Variants in TANC2 observed in about 807,000 individuals in gnomAD.
TANC2 encodes protein TANC2.
Under a neutral mutation model 210.5 loss-of-function variants are expected in TANC2, and 26 were observed. The ratio of observed to expected loss-of-function variants is 0.12; its 90% confidence interval spans 0.09 to 0.17. TANC2 has a LOEUF of 0.17. Ranked by LOEUF, TANC2 falls within the 10% of genes least tolerant of loss-of-function variation. The probability of loss-of-function intolerance (pLI) is 1.00; values close to 1 mark genes in which losing one functional copy is unlikely to be tolerated. For synonymous variants in TANC2, 931 were observed against 967.1 expected (o/e 0.96, Z 0.69); for missense variants, 2,129 against 2,608.9 (o/e 0.82, Z 4.01).
intron 2 of TANC2, among the ~76,000 whole-genome samples, chr17:63,047,596 T>G (rs761674529): frequency 2.6e-5 from 4 of 152,154 alleles, no homozygotes. Flanking sequence ...TTGAGGTATA[T>G]TTGAGACATC....
At chr17:63,178,594 G>A (rs2040673844) in intron 5 of TANC2, among the ~76,000 whole-genome samples, 1 of 152,146 alleles carries the variant, frequency 6.6e-6, no homozygotes, top group Admixed American at 6.6e-5. Context: ...ATATAGCCAG[G>A]TTTGCTTTGG....
intron 9 of TANC2, among the ~76,000 whole-genome samples, chr17:63,303,271 A>G (rs566502517): frequency 6.6e-6 from 1 of 152,286 alleles, no homozygotes; most frequent in East Asian, 1.9e-4. Context: ...TGCTTCCTTC[A>G]GGAGCTCTTG....
rs549830314 is a variant in TANC2 at position 63,304,858 on chromosome 17, C to T, written c.1160-9530C>T. Among the ~76,000 whole-genome samples the T allele has an allele frequency of 4.6e-5, 7 of 152,310 alleles. No homozygotes were observed. In the South Asian group the frequency reaches 8.3e-4, roughly 18 times the overall value. On this transcript the variant is annotated intron_variant, in intron 9 of 27. Transcript: ENST00000689528. ...GTCAGGCCTGAAGAGGCACTCTGTC[C>T]GCGGTCTGCCACAGCCAGTGTGTTC...
At chr17:63,040,897 CA>C (rs2144256970) in intron 2 of TANC2, among the ~76,000 whole-genome samples, 1 of 152,252 alleles carries the variant, frequency 6.6e-6, no homozygotes, top group South Asian at 2.1e-4. Flanking sequence ...TTTGTCCAAA[CA>C]TTTTAAATAC....
At position 63,340,111 on chromosome 17, in the gene TANC2, A is replaced by G. The variant is rs376257499; in HGVS notation, c.1586A>G (p.Tyr529Cys). The G allele has an allele frequency of 2.3e-5, 37 of 1,613,594 alleles. 3 individuals are homozygous for G. In the Middle Eastern group the frequency reaches 2.6e-3, roughly 115 times the overall value. ...ATCTTTCTTTTGCAGGTGGTTGCCT[A>G]TCACTATTGTCAAGCAGATAATGCC... is the stretch of plus-strand genomic sequence containing the variant. Residue 529 changes from tyrosine to cysteine, a missense_variant, in exon 12 of 28, where the codon TAT becomes TGT. This residue lies in a region of TANC2 where 739 missense variants were observed against 848.0 expected (regional missense o/e 0.87). Coordinates refer to ENST00000689528, the Ensembl canonical transcript of TANC2.
chr17:63,406,344 A>G, intron 21 of TANC2, 67 bp downstream of exon 21: 1 of 1,593,954 alleles, frequency 6.3e-7, no homozygotes, highest in Non-Finnish European at 8.6e-7. Flanking sequence ...CATGATTTCC[A>G]GCAATGGATC....
exon 16 of TANC2, chr17:63,388,734 A>G: frequency 6.4e-7 from 1 of 1,571,358 alleles, no homozygotes; most frequent in Non-Finnish European, 8.6e-7. Flanking sequence ...GTCTTTACGA[A>G]ATCTCTACAC....
At chr17:63,205,157 C>CCT (rs2041658979) in intron 7 of TANC2, among the ~76,000 whole-genome samples, 1 of 151,888 alleles carries the variant, frequency 6.6e-6, no homozygotes, top group Admixed American at 6.6e-5. Flanking sequence ...TGGTTTTTGA[C>CCT]AAGCGTCCTA....
At chr17:63,074,670 C>T (rs1031224828) in intron 3 of TANC2, among the ~76,000 whole-genome samples, 5 of 152,016 alleles carry the variant, frequency 3.3e-5, no homozygotes, top group African/African-American at 9.7e-5. Context: ...ATGGATGTTG[C>T]GTGATAGCAG....
At chr17:63,180,131 C>T (rs2040730219) in intron 5 of TANC2, among the ~76,000 whole-genome samples, 1 of 152,098 alleles carries the variant, frequency 6.6e-6, no homozygotes, top group Admixed American at 6.5e-5. Context: ...GAGACCCTAT[C>T]TCAAAAAAAC....
chr17:63,231,487 G>A (rs534313585), intron 7 of TANC2, among the ~76,000 whole-genome samples: 5 of 152,270 alleles, frequency 3.3e-5, no homozygotes, highest in African/African-American at 1.2e-4. Context: ...TTGCTTGTCT[G>A]AAAAGGATTT....
intron 1 of TANC2, among the ~76,000 whole-genome samples, chr17:63,003,012 G>A (rs1438957009): frequency 6.6e-6 from 1 of 152,096 alleles, no homozygotes; most frequent in Non-Finnish European, 1.5e-5. Context: ...TGCATTAGGT[G>A]TACAGTAAGT....
At chr17:62,968,341 A>T (rs1160709381) in intron 1 of TANC2, among the ~76,000 whole-genome samples, 1 of 152,248 alleles carries the variant, frequency 6.6e-6, no homozygotes, top group Non-Finnish European at 1.5e-5. Context: ...TGCTGTTCTC[A>T]TTATAGTAAT....
intron 8 of TANC2, among the ~76,000 whole-genome samples, chr17:63,262,623 A>ACT (rs2043399175): frequency 7.0e-6 from 1 of 143,238 alleles, no homozygotes; most frequent in Admixed American, 7.0e-5. Context: ...AATCCCTAGT[A>ACT]GTCCTCTTTT....
exon 12 of TANC2, chr17:63,340,198 A>G (rs1221110322): frequency 6.2e-7 from 1 of 1,613,812 alleles, no homozygotes; most frequent in African/African-American, 1.3e-5. Flanking sequence ...CGCTCACCTC[A>G]GCTGACAGCC....
chr17:63,275,816 C>T (rs146929542), intron 9 of TANC2, among the ~76,000 whole-genome samples: 144 of 152,230 alleles, frequency 9.5e-4, no homozygotes, highest in African/African-American at 2.9e-3. Flanking sequence ...AGCTCTTCTG[C>T]AGAGAAGACT....
chr17:63,303,291 C>G (rs2044782828), intron 9 of TANC2, among the ~76,000 whole-genome samples: 1 of 152,114 alleles, frequency 6.6e-6, no homozygotes, highest in African/African-American at 2.4e-5. Context: ...GCAAGGCAGG[C>G]CTGGTGGTGA....
intron 2 of TANC2, among the ~76,000 whole-genome samples, chr17:63,013,138 C>T (rs1453764732): frequency 6.6e-6 from 1 of 150,750 alleles, no homozygotes; most frequent in Non-Finnish European, 1.5e-5. Flanking sequence ...TAGGTGTAGT[C>T]CTAATGCACT....
At chr17:63,152,495 T>G (rs2039687895) in intron 5 of TANC2, 1 of 152,154 alleles carries the variant, frequency 6.6e-6, no homozygotes, top group South Asian at 2.1e-4. Flanking sequence ...TCATCCACTC[T>G]TATAGATAAC....
Sources: allele counts gnomAD v4.1 joint callset (sites outside exome capture counted in the v4.1 genomes callset), GRCh38; gene constraint gnomAD v4.1.1; regional missense constraint gnomAD v4.1.1; transcripts MANE v1.5; gene names NCBI Gene and HGNC (gene_info 2026-07-23, HGNC 2026-07-21).